Variants in FAM184A observed in about 807,000 individuals in gnomAD.
FAM184A encodes the protein protein FAM184A.
Under a neutral mutation model 143.8 loss-of-function variants are expected in FAM184A, and 99 were observed. The observed-to-expected ratio is 0.69, with a 90% CI of 0.58 to 0.81. The LOEUF is 0.81. Ranked by LOEUF, FAM184A falls within the 40% of genes least tolerant of loss-of-function variation. The pLI is 0.00. For missense variants in FAM184A, 1,217 were observed against 1,310.5 expected, an observed-to-expected ratio of 0.93 and a Z score of 1.10; for synonymous variants, 427 against 446.4, an observed-to-expected ratio of 0.96 and a Z score of 0.55.
At chr6:119,002,778 GT>G in intron 9 of FAM184A, 120 bp downstream of exon 9, 1 of 888,112 alleles carries the variant, frequency 1.1e-6, no homozygotes, top group Middle Eastern at 2.6e-4. Flanking sequence ...ATTTTTAGAA[GT>G]TTTAAGTTTG....
In FAM184A at chr6:119,048,055, G is replaced by T. The variant is rs139458037; in HGVS notation, c.160-23242C>A. ...TCATGATCAAGTAGTCTTCATCTCC[G>T]GGATGGAAGGTTAGTTCAACATACC... On this transcript the variant is annotated intron_variant, in intron 1 of 17. Coordinates refer to ENST00000338891, the MANE Select transcript of FAM184A (RefSeq NM_024581.6). 1.7e-3 allele frequency among the ~76,000 whole-genome samples: 261 copies of T among 152,224 alleles called. 1 individual carries two copies. The highest frequency in any genetic ancestry group is 5.8e-3 in the African/African-American group (241 of 41,536).
chr6:118,984,158 A>AAAAAAT (rs375843703), intron 9 of FAM184A, among the ~76,000 whole-genome samples: 1 of 126,950 alleles, frequency 7.9e-6, no homozygotes, highest in East Asian at 2.1e-4. Flanking sequence ...TTAAAAAAAA[A>AAAAAAT]ATATATATAT....
At chr6:118,991,918 A>C (rs1347143499) in intron 9 of FAM184A, among the ~76,000 whole-genome samples, 1 of 151,250 alleles carries the variant, frequency 6.6e-6, no homozygotes, top group Non-Finnish European at 1.5e-5. Flanking sequence ...GCTGGCCACC[A>C]CGCCCGGCTA....
Position 119,002,991 on chromosome 6 carries a change from A to G in FAM184A, c.1996T>C (p.Ser666Pro). 6.2e-7 allele frequency: 1 copy of G among 1,613,042 alleles called. No homozygotes were observed. The highest frequency in any genetic ancestry group is 8.5e-7 in the Non-Finnish European group (1 of 1,179,570). The change falls in exon 9 of 18, where the codon TCA becomes CCA. Residue 666 changes from serine (S) to proline (P), a missense_variant. Transcript: ENST00000338891. ...LRLQHEEDKK[S>P]AMSQLLQLKD... ...AACTGCAAAAGTTGAGACATTGCTGACTTCTTATCCTCTTCATGTTGAAGC... is the reference window on the plus strand; with the variant it reads ...AACTGCAAAAGTTGAGACATTGCTGGCTTCTTATCCTCTTCATGTTGAAGC...
intron 1 of FAM184A, among the ~76,000 whole-genome samples, chr6:119,033,845 A>G (rs1582532260): frequency 6.7e-6 from 1 of 149,322 alleles, no homozygotes; most frequent in Non-Finnish European, 1.5e-5. Flanking sequence ...TACAAAAATT[A>G]GTCAGACATG....
At chr6:119,025,424 AT>A (rs1785596463) in intron 1 of FAM184A, 1 of 518,200 alleles carries the variant, frequency 1.9e-6, no homozygotes, top group Non-Finnish European at 3.9e-6. Flanking sequence ...ATAAAATCCA[AT>A]TTGTACTTTT....
At chr6:118,986,883 A>T (rs2114599968) in intron 9 of FAM184A, among the ~76,000 whole-genome samples, 1 of 152,330 alleles carries the variant, frequency 6.6e-6, no homozygotes, top group Admixed American at 6.5e-5. Context: ...CACTGCTAAA[A>T]AGAATTTCTA....
intron 12 of FAM184A, 51 bp from the exon 13 acceptor site, chr6:118,975,259 T>C (rs564591714): frequency 2.5e-5 from 32 of 1,288,414 alleles, no homozygotes; most frequent in Non-Finnish European, 3.3e-5. Context: ...ATTTGATTTC[T>C]GTGTTTATCT....
At chr6:118,985,820 C>G (rs1366820144) in intron 9 of FAM184A, among the ~76,000 whole-genome samples, 2 of 152,124 alleles carry the variant, frequency 1.3e-5, no homozygotes, top group Non-Finnish European at 2.9e-5. Flanking sequence ...CTGAGCAGAT[C>G]TCAGGAAAAA....
In FAM184A at chr6:119,116,002, C is replaced by T. The variant is rs907796709; in HGVS notation, c.-202+33076G>A. Among the ~76,000 whole-genome samples, 5 of 147,308 alleles carry T rather than the reference C, an allele frequency of 3.4e-5. No homozygotes were observed. The Admixed American group carries it at 3.7e-4, about 11-fold the overall frequency. On this transcript the variant is annotated intron_variant, in intron 1 of 16. Transcript: ENST00000352896. ...ACACACACACACACACACACACACACACACATACACACACACAACGAGAGA... is the reference window on the plus strand; with the variant it reads ...ACACACACACACACACACACACACATACACATACACACACACAACGAGAGA...
intron 1 of FAM184A, among the ~76,000 whole-genome samples, chr6:119,085,189 GCT>G (rs1354031659): frequency 6.6e-6 from 1 of 152,132 alleles, no homozygotes; most frequent in Non-Finnish European, 1.5e-5. Flanking sequence ...AAAGTTTTAT[GCT>G]CTGTTTCCCT....
intron 16 of FAM184A, chr6:118,962,709 A>G (rs1783374192): frequency 6.6e-6 from 1 of 152,212 alleles, no homozygotes; most frequent in South Asian, 2.1e-4. Flanking sequence ...ATTAAGAGAT[A>G]AAAAGACAAA....
rs150364165 is a variant in FAM184A, at chr6:119,134,458, C to T, written c.-202+14620G>A. On this transcript the variant is annotated intron_variant, in intron 1 of 16. Coordinates refer to the FAM184A transcript ENST00000352896. ...CTTGAGTCCCGAAGTTTGAGACCAG[C>T]CTGAGCAATGTAGAGAGACCCTACC... Among the ~76,000 whole-genome samples the T allele has an allele frequency of 3.2e-3, 485 of 151,936 alleles. 6 individuals are homozygous for T. The highest frequency in any genetic ancestry group is 0.026 in the Admixed American group (404 of 15,262).
chr6:119,108,042 A>G (rs72955034), intron 1 of FAM184A, among the ~76,000 whole-genome samples: 13,905 of 152,106 alleles, frequency 0.091, 849 homozygotes, highest in East Asian at 0.23. Context: ...GAGCAGAATC[A>G]GGAATTCTGG....
chr6:119,005,109 C>A (rs1238918115), intron 7 of FAM184A, among the ~76,000 whole-genome samples: 2 of 151,962 alleles, frequency 1.3e-5, no homozygotes, highest in South Asian at 4.2e-4. Flanking sequence ...GTTTGGTCAT[C>A]GAGTTCAGCT....
rs771210404 is a variant in FAM184A, at chr6:118,975,136, A to G, written c.2656T>C (p.Leu886=). The G allele has an allele frequency of 3.4e-5, 55 of 1,612,950 alleles. No homozygotes were observed. The highest frequency in any genetic ancestry group is 4.7e-5 in the Non-Finnish European group (55 of 1,179,388). ...TGAAGGTGCTGAACCTCCTTATCCAATTCAGAGATGTGATGCTCTCTGTGT... is the reference window on the plus strand; with the variant it reads ...TGAAGGTGCTGAACCTCCTTATCCAGTTCAGAGATGTGATGCTCTCTGTGT... ...LRHREHHISE[L]DKEVQHLHEN... is the part of the protein sequence containing the mutation. Residue 886 remains leucine (L), a synonymous_variant, in exon 13 of 18, where the codon TTG becomes CTG. Coordinates refer to ENST00000338891, the MANE Select transcript of FAM184A (RefSeq NM_024581.6).
In FAM184A at chr6:119,096,432, C is replaced by T. The variant is rs559932638; in HGVS notation, c.-202+52646G>A. Among the ~76,000 whole-genome samples, 172 of 33,370 alleles carry T rather than the reference C, an allele frequency of 5.2e-3. 56 individuals are homozygous for T. The highest frequency in any genetic ancestry group is 0.016 in the African/African-American group (165 of 10,012). The allele number at this position is 33,370 out of a possible 152,430, so 21.9% of individuals were successfully genotyped here. On this transcript the variant is annotated intron_variant, in intron 1 of 16. Coordinates refer to the FAM184A transcript ENST00000352896. The stretch of plus-strand genomic sequence containing the variant: ...CGGGTGGATCATGAGGTCAGGAGAT[C>T]GAGACCATCCTGGCTAACAAGGTGA...
At chr6:119,072,663 A>T (rs1787733221) in intron 1 of FAM184A, among the ~76,000 whole-genome samples, 1 of 152,182 alleles carries the variant, frequency 6.6e-6, no homozygotes, top group African/African-American at 2.4e-5. Context: ...GCTTTTTTAT[A>T]TTTGCTAAGA....
chr6:119,090,280 G>A lies in FAM184A; in HGVS notation c.-202+58798C>T, dbSNP rs577359421. ...GAATCTCAGAATTTTCTCTAGCAAA[G>A]ACGAAAGGCTAACACATTTATCTGC... is the stretch of plus-strand genomic sequence containing the variant. On this transcript the variant is annotated intron_variant, in intron 1 of 16. Coordinates refer to the FAM184A transcript ENST00000352896. Among the ~76,000 whole-genome samples, 14 of 152,334 alleles carry A rather than the reference G, an allele frequency of 9.2e-5. No homozygotes were observed. In the South Asian group the frequency reaches 2.9e-3, roughly 32 times the overall value.
Sources: gnomAD v4.1 joint callset for allele counts (sites outside exome capture counted in the v4.1 genomes callset) on GRCh38, gnomAD v4.1.1 for gene constraint, MANE v1.5 for transcripts, NCBI Gene and HGNC (gene_info 2026-07-23, HGNC 2026-07-21) for gene names.